GPC3: variants seen among roughly 807,000 people sequenced by gnomAD.
The protein encoded by GPC3 is glypican-3.
Under a neutral mutation model 34.4 loss-of-function variants are expected in GPC3, and 3 were observed. The observed-to-expected ratio is 0.09, with a 90% CI of 0.04 to 0.23. The LOEUF is 0.23. GPC3 is among the 10% of genes least tolerant of loss of function. GPC3 has a pLI of 1.00. For missense variants in GPC3, 351 were observed against 445.6 expected, an observed-to-expected ratio of 0.79 and a Z score of 1.91; for synonymous variants, 177 against 174.0, an observed-to-expected ratio of 1.02 and a Z score of -0.13.
At chrX:133,934,788 G>A (rs962508061) in intron 2 of GPC3, among the ~76,000 whole-genome samples, 3 of 109,733 alleles carry the variant, frequency 2.7e-5, no homozygotes, top group Non-Finnish European at 3.8e-5. Context: ...CTCCCAAAGT[G>A]CTGGGATTAC....
At chrX:133,683,762 T>A (rs1444368248) in intron 5 of GPC3, among the ~76,000 whole-genome samples, 2 of 112,242 alleles carry the variant, frequency 1.8e-5, no homozygotes, top group Non-Finnish European at 3.8e-5. Context: ...TTTTTCTCAC[T>A]CAATTCTGAA....
At chrX:133,776,024 G>A (rs957345240) in intron 2 of GPC3, among the ~76,000 whole-genome samples, 1 of 111,619 alleles carries the variant, frequency 9.0e-6, no homozygotes, top group African/African-American at 3.3e-5. Context: ...CAACACGTGA[G>A]CACAGTGAAC....
chrX:133,685,943 C>T (rs2070997838), intron 5 of GPC3, among the ~76,000 whole-genome samples: 1 of 110,517 alleles, frequency 9.0e-6, no homozygotes, highest in African/African-American at 3.3e-5. Flanking sequence ...AGCCAGAAAA[C>T]AGCAATATCC....
intron 2 of GPC3, among the ~76,000 whole-genome samples, chrX:133,833,439 C>T (rs2075785520): frequency 1.8e-5 from 2 of 111,367 alleles, no homozygotes; most frequent in Admixed American, 9.6e-5. Flanking sequence ...TGATTAAAAT[C>T]GAGAGAAGAG....
At chrX:133,594,118 C>CAAAA (rs1446525811) in intron 7 of GPC3, among the ~76,000 whole-genome samples, 1 of 111,039 alleles carries the variant, frequency 9.0e-6, no homozygotes, top group African/African-American at 3.3e-5. Flanking sequence ...AAACAAAAAA[C>CAAAA]AAAAAAGTAT....
chrX:133,703,460 GTT>G (rs746837604), intron 3 of GPC3, among the ~76,000 whole-genome samples: 9 of 95,606 alleles, frequency 9.4e-5, no homozygotes, highest in Non-Finnish European at 6.4e-5. Context: ...AGGCCAGGAA[GTT>G]TTTTTTTTTT....
chrX:133,881,694 C>CT (rs1281113984), intron 2 of GPC3, among the ~76,000 whole-genome samples: 1 of 111,885 alleles, frequency 8.9e-6, no homozygotes, highest in East Asian at 2.8e-4. Context: ...GAACTAAGTC[C>CT]TTTTTTTCCC....
At chrX:133,959,804 G>A (rs185168447) in intron 1 of GPC3, among the ~76,000 whole-genome samples, 5,170 of 112,051 alleles carry the variant, frequency 0.046, 117 homozygotes, top group East Asian at 0.1. Context: ...AGAGAACAGT[G>A]AAAGTTGGTA....
intron 6 of GPC3, among the ~76,000 whole-genome samples, chrX:133,627,473 T>A (rs2070317541): frequency 8.9e-6 from 1 of 111,803 alleles, no homozygotes; most frequent in Non-Finnish European, 1.9e-5. Flanking sequence ...TGTGAATGAC[T>A]GGATACCAAG....
intron 6 of GPC3, among the ~76,000 whole-genome samples, chrX:133,659,216 C>T (rs145933091): frequency 0.013 from 1,422 of 112,464 alleles, 22 homozygotes; most frequent in African/African-American, 0.044. Context: ...CAAAGTTATG[C>T]GCCTAGCAAA....
intron 2 of GPC3, among the ~76,000 whole-genome samples, chrX:133,872,198 T>C (rs918709696): frequency 9.0e-6 from 1 of 111,627 alleles, no homozygotes; most frequent in Admixed American, 9.5e-5. Context: ...GAAGAAAAAG[T>C]TCAATTTTTT....
chrX:133,630,402 A>G (rs1434952591), intron 6 of GPC3, among the ~76,000 whole-genome samples: 1 of 111,908 alleles, frequency 8.9e-6, no homozygotes, highest in African/African-American at 3.2e-5. Context: ...CTCGTTTTGA[A>G]TTACACATGA....
chrX:133,746,020 C>T (rs952120218), intron 3 of GPC3, among the ~76,000 whole-genome samples: 1 of 112,269 alleles, frequency 8.9e-6, no homozygotes, highest in Non-Finnish European at 1.9e-5. Context: ...TATAATACAA[C>T]TCACTATGTG....
rs755762392 is a variant in GPC3, at chrX:133,781,815, T to C, written c.338-27639A>G. ...GTGAGTGCCCGCTCTGTGCCAGACA[T>C]GGTACTAAGGGTGCCAGGAACCTGA... On this transcript the variant is annotated intron_variant, in intron 2 of 7. Coordinates refer to ENST00000370818, the MANE Select transcript of GPC3 (RefSeq NM_004484.4). 2.0e-4 allele frequency among the ~76,000 whole-genome samples: 22 copies of C among 111,618 alleles called. No individual in the cohort carries two copies. The East Asian group carries it at 5.4e-3, about 27-fold the overall frequency.
At chrX:133,631,171 TATATTTGC>T (rs1184070134) in intron 6 of GPC3, among the ~76,000 whole-genome samples, 1 of 111,957 alleles carries the variant, frequency 8.9e-6, no homozygotes, top group African/African-American at 3.2e-5. Flanking sequence ...TAGTGTTAAA[TATATTTGC>T]ATTACTGTAC....
At chrX:133,676,694 T>C (rs1339016169) in intron 5 of GPC3, among the ~76,000 whole-genome samples, 1 of 111,860 alleles carries the variant, frequency 8.9e-6, no homozygotes. Flanking sequence ...ATAAAGTAGA[T>C]GGGATTCCAG....
In GPC3 at chrX:133,917,064, G is replaced by C. The variant is rs144123651; in HGVS notation, c.337+35986C>G. On this transcript the variant is annotated intron_variant, in intron 2 of 7. Transcript: ENST00000370818. Reference sequence around the variant, plus strand: ...TAAAGTAGAGAATAATATTACCTACGCTAAAGAGTTGTTGTGAGTTTAAAT... The same window carrying C: ...TAAAGTAGAGAATAATATTACCTACCCTAAAGAGTTGTTGTGAGTTTAAAT... Among the ~76,000 whole-genome samples, 593 of 111,780 alleles carry C rather than the reference G, an allele frequency of 5.3e-3. 6 individuals carry two copies. The highest frequency in any genetic ancestry group is 0.018 in the African/African-American group (559 of 30,768).
At chrX:133,705,631 C>T (rs1165738236) in intron 3 of GPC3, among the ~76,000 whole-genome samples, 3 of 112,145 alleles carry the variant, frequency 2.7e-5, no homozygotes, top group Admixed American at 1.9e-4. Flanking sequence ...TCGATTTTCC[C>T]GTGTCATGGA....
chrX:133,878,435 A>C (rs2076026933), intron 2 of GPC3, among the ~76,000 whole-genome samples: 1 of 111,774 alleles, frequency 8.9e-6, no homozygotes, highest in Admixed American at 9.5e-5. Context: ...CTCAAAAAAA[A>C]AAAATCATAT....
Sources: gnomAD v4.1 joint callset for allele counts (sites outside exome capture counted in the v4.1 genomes callset) on GRCh38, gnomAD v4.1.1 for gene constraint, MANE v1.5 for transcripts, NCBI Gene and HGNC (gene_info 2026-07-23, HGNC 2026-07-21) for gene names.